The following GTF2I variants were observed in gnomAD, a reference collection of about 807,000 sequenced individuals.
The protein encoded by GTF2I is general transcription factor II-I.
Under a neutral mutation model 67.6 loss-of-function variants are expected in GTF2I, and 12 were observed. That is an observed-to-expected ratio of 0.18 (90% CI 0.11 to 0.29). GTF2I has a LOEUF of 0.29. Ranked by LOEUF, GTF2I falls within the 10% of genes least tolerant of loss-of-function variation. The probability of loss-of-function intolerance (pLI) is 1.00; values close to 1 mark genes in which losing one functional copy is unlikely to be tolerated. For synonymous variants in GTF2I, 149 were observed against 197.0 expected, an observed-to-expected ratio of 0.76 and a Z score of 2.04; for missense variants, 271 against 580.1, an observed-to-expected ratio of 0.47 and a Z score of 5.47.
chr7:74,737,330 T>G (rs1426738215), intron 18 of GTF2I, among the ~76,000 whole-genome samples: 1 of 147,316 alleles, frequency 6.8e-6, no homozygotes, highest in Non-Finnish European at 1.5e-5. Context: ...GTGAAGGAAA[T>G]CATATGAGTA....
chr7:74,660,778 C>T (rs1386710183), intron 1 of GTF2I, among the ~76,000 whole-genome samples: 1 of 152,024 alleles, frequency 6.6e-6, no homozygotes, highest in African/African-American at 2.4e-5. Context: ...CGCTCCACCA[C>T]GCCCGGCTAA....
At chr7:74,698,919 C>A in intron 3 of GTF2I, 42 bp from the exon 4 acceptor site, 1 of 1,042,350 alleles carries the variant, frequency 9.6e-7, no homozygotes, top group South Asian at 2.6e-5. Flanking sequence ...GGATATGGAC[C>A]TTATTATTAT....
chr7:74,715,740 T>C (rs923001955), intron 10 of GTF2I, among the ~76,000 whole-genome samples: 11 of 152,066 alleles, frequency 7.2e-5, no homozygotes, highest in African/African-American at 2.7e-4. Context: ...GGTTTGTAGA[T>C]TTACCTAGAG....
intron 1 of GTF2I, among the ~76,000 whole-genome samples, chr7:74,673,118 C>T (rs1390215049): frequency 1.3e-5 from 2 of 152,118 alleles, no homozygotes; most frequent in Non-Finnish European, 2.9e-5. Context: ...CCTTGGCCTC[C>T]CAAAGTGCTG....
chr7:74,698,850 G>A, intron 3 of GTF2I, 111 bp from the exon 4 acceptor site: 1 of 414,956 alleles, frequency 2.4e-6, no homozygotes, highest in Non-Finnish European at 4.2e-6. Flanking sequence ...GATAAAAGTA[G>A]TTTTCCCTGT....
Position 74,698,946 on chromosome 7 carries a change from TTA to T in GTF2I, c.239-13_239-12del. 1 of 1,221,704 alleles carries T rather than the reference TTA, an allele frequency of 8.2e-7. No individual in the cohort carries two copies. Among genetic ancestry groups the T allele is most frequent in the South Asian group, 2.2e-5 (1 of 45,986 alleles). The allele number at this position is 1,221,704 out of a possible 1,614,324, so 75.7% of individuals were successfully genotyped here. A position where few individuals can be genotyped will look rare whatever the true frequency, so the allele number is the denominator to read the frequency against. On this transcript the variant is annotated splice_polypyrimidine_tract_variant and intron_variant, in intron 3 of 34. Transcript: ENST00000573035. ...TATTATTATTTTTTTATTTTATTTT[TTA>T]TTTTTTTTACAGGTGTTGAAGAAGA...
At chr7:74,729,277 GA>G (rs1298672966) in intron 13 of GTF2I, among the ~76,000 whole-genome samples, 1 of 84,052 alleles carries the variant, frequency 1.2e-5, no homozygotes, top group African/African-American at 5.1e-5. Context: ...GCTCTCAATG[GA>G]TGATGTATCC....
At chr7:74,666,660 C>T (rs1235816605) in intron 1 of GTF2I, among the ~76,000 whole-genome samples, 1 of 151,506 alleles carries the variant, frequency 6.6e-6, no homozygotes, top group African/African-American at 2.4e-5. Context: ...GGTGAAACCC[C>T]GTCTCTACTA....
chr7:74,685,325 C>T (rs1554395159), intron 1 of GTF2I, among the ~76,000 whole-genome samples: 10 of 151,950 alleles, frequency 6.6e-5, no homozygotes. Flanking sequence ...GTGAAACCCC[C>T]TCTCTACTAA....
At chr7:74,731,526 GGTTTTTT>G (rs1794474598) in intron 14 of GTF2I, among the ~76,000 whole-genome samples, 1 of 137,190 alleles carries the variant, frequency 7.3e-6, no homozygotes, top group Non-Finnish European at 1.5e-5. Flanking sequence ...TTTTGCCCGT[GGTTTTTT>G]GTTTTTTGTT....
chr7:74,666,386 T>G (rs1490406384), intron 1 of GTF2I, among the ~76,000 whole-genome samples: 1 of 152,162 alleles, frequency 6.6e-6, no homozygotes, highest in African/African-American at 2.4e-5. Context: ...TTAAATTACA[T>G]GATCTCATCT....
intron 8 of GTF2I, among the ~76,000 whole-genome samples, chr7:74,710,244 G>A (rs782604105): frequency 3.3e-5 from 5 of 152,142 alleles, no homozygotes; most frequent in African/African-American, 4.8e-5. Flanking sequence ...CAGAGCTCAC[G>A]ATTTCGTTTG....
chr7:74,676,891 A>C (rs782628355), intron 1 of GTF2I, among the ~76,000 whole-genome samples: 13 of 152,074 alleles, frequency 8.5e-5, no homozygotes, highest in Non-Finnish European at 1.8e-4. Flanking sequence ...CCCTGTCTCT[A>C]CTAAAAATAC....
chr7:74,673,756 C>G (rs938526363), intron 1 of GTF2I, among the ~76,000 whole-genome samples: 23 of 147,850 alleles, frequency 1.6e-4, no homozygotes, highest in Admixed American at 1.4e-3. Context: ...TCTCAGCTCA[C>G]TGCAACCTCC....
intron 1 of GTF2I, among the ~76,000 whole-genome samples, chr7:74,682,152 A>G (rs1787330779): frequency 6.6e-6 from 1 of 152,200 alleles, no homozygotes; most frequent in Admixed American, 6.6e-5. Context: ...TCTCTTTTGT[A>G]CTTGATCTTG....
At chr7:74,714,983 A>C (rs143773611) in intron 10 of GTF2I, 67 bp downstream of exon 10, 31 of 931,152 alleles carry the variant, frequency 3.3e-5, no homozygotes, top group Non-Finnish European at 4.7e-5. Flanking sequence ...TATTGCACAG[A>C]CTGTGTTTTA....
rs1055922298 is a variant in GTF2I at position 74,700,723 on chromosome 7, T to C, written c.586+89T>C. 9.4e-5 allele frequency: 116 copies of C among 1,232,910 alleles called. No individual in the cohort carries two copies. In the East Asian group the frequency reaches 2.7e-3, roughly 28 times the overall value. 76.4% of individuals were successfully genotyped at this position (1,232,910 alleles called of 1,614,324 possible). On this transcript the variant is annotated intron_variant, in intron 6 of 34. Transcript: ENST00000573035. ...TTTAATGGTTTCTGTTTTATTGTCT[T>C]TGAGAATATGATGTCAGACATTTTC...
At chr7:74,718,323 A>T (rs1029543501) in intron 11 of GTF2I, among the ~76,000 whole-genome samples, 1 of 152,258 alleles carries the variant, frequency 6.6e-6, no homozygotes, top group African/African-American at 2.4e-5. Flanking sequence ...ACTCTGATGT[A>T]CATTTGTCTT....
intron 3 of GTF2I, among the ~76,000 whole-genome samples, chr7:74,692,992 C>T (rs1788480620): frequency 6.6e-6 from 1 of 152,082 alleles, no homozygotes; most frequent in Admixed American, 6.6e-5. Context: ...GTACTCCTGA[C>T]CTCAGGTTAT....
Sources: gnomAD v4.1 joint callset for allele counts (sites outside exome capture counted in the v4.1 genomes callset) on GRCh38, gnomAD v4.1.1 for gene constraint, MANE v1.5 for transcripts, NCBI Gene and HGNC (gene_info 2026-07-23, HGNC 2026-07-21) for gene names.